GRM7: variants seen among roughly 807,000 people sequenced by gnomAD.
GRM7 encodes metabotropic glutamate receptor 7.
GRM7 carries 35 observed loss-of-function variants against 84.5 expected under a neutral mutation model. The observed-to-expected ratio is 0.41, with a 90% CI of 0.32 to 0.55. The LOEUF is 0.55. Ranked by LOEUF, GRM7 falls within the 20% of genes least tolerant of loss-of-function variation. The probability of loss-of-function intolerance (pLI) is 0.19; values close to 1 mark genes in which losing one functional copy is unlikely to be tolerated. For missense variants in GRM7, 1,003 were observed against 1,194.6 expected (o/e 0.84, Z 2.36); for synonymous variants, 487 against 455.1 (o/e 1.07, Z -0.89).
At chr3:7,080,286 A>G (rs1021544027) in intron 1 of GRM7, among the ~76,000 whole-genome samples, 3 of 152,042 alleles carry the variant, frequency 2.0e-5, no homozygotes, top group Admixed American at 6.6e-5. Flanking sequence ...TTCATGAAAC[A>G]TATTTCCTAT....
intron 2 of GRM7, among the ~76,000 whole-genome samples, chr3:7,147,718 G>T (rs1465652490): frequency 6.6e-6 from 1 of 152,090 alleles, no homozygotes; most frequent in African/African-American, 2.4e-5. Context: ...TTAATTCACT[G>T]CATCATTAGC....
Position 7,179,356 on chromosome 3 carries a change from A to C in GRM7, c.736+32688A>C, listed in dbSNP as rs1695261251. 2.0e-5 allele frequency among the ~76,000 whole-genome samples: 3 copies of C among 152,184 alleles called. No homozygotes were observed. In the South Asian group the frequency reaches 6.2e-4, roughly 31 times the overall value. On this transcript the variant is annotated intron_variant, in intron 2 of 9. Coordinates refer to ENST00000357716, the MANE Select transcript of GRM7 (RefSeq NM_000844.4). ...GTTTCCAAAAATAAACCTCTAATAT[A>C]TGCAAGTGACTCTACTACTGCACAT... is the stretch of plus-strand genomic sequence containing the variant.
chr3:7,472,525 A>T (rs543905067), intron 7 of GRM7, among the ~76,000 whole-genome samples: 9 of 152,204 alleles, frequency 5.9e-5, no homozygotes, highest in Non-Finnish European at 1.2e-4. Context: ...TAATAGGAAG[A>T]GTAAGTGATG....
intron 2 of GRM7, among the ~76,000 whole-genome samples, chr3:7,248,688 A>G (rs1292683399): frequency 2.0e-5 from 3 of 152,108 alleles, no homozygotes; most frequent in Non-Finnish European, 2.9e-5. Flanking sequence ...TGAGTTCTGG[A>G]TCCAGATTTT....
chr3:6,985,445 G>C (rs1694373256), intron 1 of GRM7, among the ~76,000 whole-genome samples: 3 of 152,124 alleles, frequency 2.0e-5, no homozygotes, highest in Admixed American at 1.3e-4. Flanking sequence ...AAATATGTGA[G>C]AACATGTGAT....
intron 8 of GRM7, among the ~76,000 whole-genome samples, chr3:7,604,975 A>G (rs1171539514): frequency 6.6e-6 from 1 of 152,196 alleles, no homozygotes; most frequent in Non-Finnish European, 1.5e-5. Flanking sequence ...TAACATCAAT[A>G]AATATTGCAA....
intron 4 of GRM7, among the ~76,000 whole-genome samples, chr3:7,327,275 C>A (rs1701025394): frequency 6.6e-6 from 1 of 150,604 alleles, no homozygotes; most frequent in Non-Finnish European, 1.5e-5. Context: ...TCATGAATTT[C>A]TTTATTGCCA....
chr3:7,104,597 C>G (rs943919334), intron 1 of GRM7, among the ~76,000 whole-genome samples: 1 of 151,624 alleles, frequency 6.6e-6, no homozygotes, highest in Non-Finnish European at 1.5e-5. Context: ...AAGTAATTGC[C>G]AGTTTTTTTT....
chr3:7,288,344 TTC>T (rs1699502705), intron 2 of GRM7, among the ~76,000 whole-genome samples: 1 of 152,162 alleles, frequency 6.6e-6, no homozygotes, highest in African/African-American at 2.4e-5. Context: ...TTTCCGTTTA[TTC>T]TGTTTTATTG....
At position 7,637,422 on chromosome 3, in the gene GRM7, T is replaced by A. The variant is rs192494930; in HGVS notation, c.2452-42627T>A. The stretch of plus-strand genomic sequence containing the variant: ...GCCATTGAGTCAAAGGAACAAATGA[T>A]GTTTTTGTTGTTGTCATTCAGGACG... On this transcript the variant is annotated intron_variant, in intron 8 of 9. Coordinates refer to ENST00000357716, the MANE Select transcript of GRM7 (RefSeq NM_000844.4). Among the ~76,000 whole-genome samples the A allele has an allele frequency of 9.4e-4, 143 of 152,360 alleles. 1 individual carries two copies. The South Asian group carries it at 0.014, about 15-fold the overall frequency.
At chr3:6,951,976 T>C (rs1214705169) in intron 1 of GRM7, among the ~76,000 whole-genome samples, 1 of 152,248 alleles carries the variant, frequency 6.6e-6, no homozygotes, top group Non-Finnish European at 1.5e-5. Context: ...TTTTGTTTTC[T>C]GAAATCCACT....
At chr3:7,312,982 G>T (rs1168844248) in intron 4 of GRM7, among the ~76,000 whole-genome samples, 1 of 145,404 alleles carries the variant, frequency 6.9e-6, no homozygotes, top group African/African-American at 2.6e-5. Flanking sequence ...AGGCTGGAAT[G>T]CAGTGATGTG....
At chr3:7,455,421 A>T (rs1319658015) in intron 6 of GRM7, among the ~76,000 whole-genome samples, 1 of 152,148 alleles carries the variant, frequency 6.6e-6, no homozygotes, top group African/African-American at 2.4e-5. Flanking sequence ...TCTGTGGTGG[A>T]GAAAACTGGG....
chr3:7,314,437 A>G (rs545125576), intron 4 of GRM7, among the ~76,000 whole-genome samples: 162 of 152,264 alleles, frequency 1.1e-3, no homozygotes, highest in African/African-American at 3.8e-3. Flanking sequence ...TCCAGTTTTC[A>G]AGTGTTAACT....
chr3:7,122,777 A>G (rs1216797823), intron 1 of GRM7, among the ~76,000 whole-genome samples: 1 of 152,256 alleles, frequency 6.6e-6, no homozygotes, highest in Non-Finnish European at 1.5e-5. Flanking sequence ...CTGTTGGGGT[A>G]GATACCTCCC....
chr3:7,336,439 C>T (rs761116180), intron 4 of GRM7, among the ~76,000 whole-genome samples: 1 of 151,916 alleles, frequency 6.6e-6, no homozygotes, highest in African/African-American at 2.4e-5. Context: ...CAACAGTATA[C>T]AGAATGGGGA....
At chr3:7,594,818 A>G (rs1695960731) in intron 8 of GRM7, among the ~76,000 whole-genome samples, 1 of 152,128 alleles carries the variant, frequency 6.6e-6, no homozygotes. Flanking sequence ...AAGGAGAGAT[A>G]TATGGCCTAG....
chr3:7,245,973 T>C (rs1188380931), intron 2 of GRM7, among the ~76,000 whole-genome samples: 1 of 152,054 alleles, frequency 6.6e-6, no homozygotes, highest in African/African-American at 2.4e-5. Context: ...ACCCTAAAAA[T>C]TTCAGAACAT....
intron 9 of GRM7, among the ~76,000 whole-genome samples, chr3:7,723,291 A>C (rs1261608519): frequency 6.6e-6 from 1 of 152,034 alleles, no homozygotes; most frequent in Admixed American, 6.6e-5. Context: ...TATTGCTCCT[A>C]ATGGAAGGAA....
Sources: allele counts gnomAD v4.1 joint callset (sites outside exome capture counted in the v4.1 genomes callset), GRCh38; gene constraint gnomAD v4.1.1; transcripts MANE v1.5; gene names NCBI Gene and HGNC (gene_info 2026-07-23, HGNC 2026-07-21).